Variants in CEP55 observed in about 807,000 individuals in gnomAD.
CEP55 encodes centrosomal protein 55.
Under a neutral mutation model 63.2 loss-of-function variants are expected in CEP55, and 57 were observed. That is an observed-to-expected ratio of 0.90 (90% CI 0.73 to 1.13). The LOEUF (loss-of-function observed/expected upper bound fraction) is 1.13. Ranked by LOEUF, CEP55 falls within the 50% of genes most tolerant of loss-of-function variation. The probability of loss-of-function intolerance (pLI) is 0.00; values close to 1 mark genes in which losing one functional copy is unlikely to be tolerated. For missense variants in CEP55, 456 were observed against 518.9 expected, an observed-to-expected ratio of 0.88 and a Z score of 1.18; for synonymous variants, 178 against 191.6, an observed-to-expected ratio of 0.93 and a Z score of 0.59.
intron 8 of CEP55, chr10:93,520,013 T>G: frequency 1.7e-6 from 1 of 603,150 alleles, no homozygotes; most frequent in Non-Finnish European, 2.9e-6. Flanking sequence ...CTGGAAACAT[T>G]CCCCCAACTA....
intron 1 of CEP55, among the ~76,000 whole-genome samples, chr10:93,498,653 C>T (rs1450396223): frequency 6.6e-6 from 1 of 152,200 alleles, no homozygotes; most frequent in African/African-American, 2.4e-5. Flanking sequence ...CACTACCATT[C>T]TAAGGAGGTC....
chr10:93,498,150 AAAAG>A (rs1168903180), intron 1 of CEP55, among the ~76,000 whole-genome samples: 1 of 151,844 alleles, frequency 6.6e-6, no homozygotes, highest in Non-Finnish European at 1.5e-5. Context: ...GCCAAAAAAA[AAAAG>A]AAAGAAACAG....
chr10:93,521,454 G>A (rs994380448), intron 8 of CEP55, among the ~76,000 whole-genome samples: 3 of 152,144 alleles, frequency 2.0e-5, no homozygotes, highest in African/African-American at 2.4e-5. Flanking sequence ...CGGGAAGCTC[G>A]AACTGGGTGG....
At position 93,519,635 on chromosome 10, in the gene CEP55, A is replaced by G. The variant is rs376443662; in HGVS notation, c.1066-47A>G. On this transcript the variant is annotated intron_variant, in intron 7 of 8. Coordinates refer to ENST00000371485, the MANE Select transcript of CEP55 (RefSeq NM_018131.5). ...ATGTGAGCATCCAGTCAAGAGAACT[A>G]GACAGTCTGTATCAGCTGTAATGGT... The G allele has an allele frequency of 2.1e-5, 33 of 1,594,670 alleles. No homozygotes were observed. In the African/African-American group the frequency reaches 3.9e-4, roughly 19 times the overall value.
At chr10:93,505,646 A>G (rs2057680473) in intron 3 of CEP55, among the ~76,000 whole-genome samples, 1 of 152,312 alleles carries the variant, frequency 6.6e-6, no homozygotes, top group East Asian at 1.9e-4. Flanking sequence ...TTGGAGAAAA[A>G]TAATTTTTTT....
At position 93,507,224 on chromosome 10, in the gene CEP55, C is replaced by G. The variant is rs374070083; in HGVS notation, c.528+168C>G. Among the ~76,000 whole-genome samples, 49 of 111,680 alleles carry G rather than the reference C, an allele frequency of 4.4e-4. No homozygotes were observed. In the South Asian group the frequency reaches 0.015, roughly 34 times the overall value. The allele number at this position is 111,680 out of a possible 152,430, so 73.3% of individuals were successfully genotyped here. A position where few individuals can be genotyped will look rare whatever the true frequency, so the allele number is the denominator to read the frequency against. On this transcript the variant is annotated intron_variant, in intron 4 of 8. Coordinates refer to ENST00000371485, the MANE Select transcript of CEP55 (RefSeq NM_018131.5). ...AGAATCATTTCTTCTAAGCATAGTC[C>G]CTTTTTTTTTTTTTTTTCCTGAGGC... is the stretch of plus-strand genomic sequence containing the variant.
At chr10:93,503,511 TA>T in intron 3 of CEP55, 123 bp downstream of exon 3, 1 of 937,114 alleles carries the variant, frequency 1.1e-6, no homozygotes, top group Non-Finnish European at 1.6e-6. Context: ...TAGTATAGTA[TA>T]CTATCAGGTC....
intron 1 of CEP55, among the ~76,000 whole-genome samples, chr10:93,498,229 C>T (rs927939843): frequency 6.6e-6 from 1 of 151,518 alleles, no homozygotes; most frequent in Non-Finnish European, 1.5e-5. Flanking sequence ...GAGATCCAAA[C>T]CGTCTGGGCC....
intron 1 of CEP55, among the ~76,000 whole-genome samples, chr10:93,497,556 G>C (rs1029712345): frequency 6.6e-6 from 1 of 152,012 alleles, no homozygotes; most frequent in African/African-American, 2.4e-5. Flanking sequence ...GTGAGCCACC[G>C]CGCCCGGCCC....
At chr10:93,515,589 A>G (rs765683609) in intron 5 of CEP55, 34 bp downstream of exon 5, 10 of 1,513,306 alleles carry the variant, frequency 6.6e-6, no homozygotes, top group South Asian at 5.1e-5. Flanking sequence ...CTCTAGGGAT[A>G]GGCCTGACAT....
rs550329956 is a variant in CEP55 at position 93,528,650 on chromosome 10, T to G, written c.*497T>G. The G allele has an allele frequency of 6.5e-6, 1 of 154,184 alleles. No individual in the cohort carries two copies. The highest frequency in any genetic ancestry group is 6.4e-5 in the Admixed American group (1 of 15,568). The allele number at this position is 154,184 out of a possible 1,614,324, so 9.6% of individuals were successfully genotyped here. A position where few individuals can be genotyped will look rare whatever the true frequency, so the allele number is the denominator to read the frequency against. On this transcript the variant is annotated 3_prime_UTR_variant, in exon 9 of 9. Transcript: ENST00000371485. ...TTTTTTTTTTCATATTGTATAGCGG[T>G]TATTAGAAAAGTTGGGGATTTTCTT...
At chr10:93,522,208 C>A (rs550939892) in intron 8 of CEP55, among the ~76,000 whole-genome samples, 3 of 152,242 alleles carry the variant, frequency 2.0e-5, no homozygotes, top group South Asian at 4.1e-4. Flanking sequence ...AGATGAATGG[C>A]TAACTAGAAT....
chr10:93,522,122 G>C (rs1301022018), intron 8 of CEP55, among the ~76,000 whole-genome samples: 6 of 152,198 alleles, frequency 3.9e-5, no homozygotes, highest in African/African-American at 1.4e-4. Flanking sequence ...GAAGGCTTCA[G>C]ATGATCAAAC....
intron 6 of CEP55, 54 bp from the exon 7 acceptor site, chr10:93,518,823 G>T: frequency 7.6e-7 from 1 of 1,314,720 alleles, no homozygotes. Context: ...TGCATCCCAG[G>T]TCAAGCCGGA....
intron 4 of CEP55, among the ~76,000 whole-genome samples, chr10:93,512,568 A>G (rs556055768): frequency 6.6e-6 from 1 of 151,786 alleles, no homozygotes; most frequent in East Asian, 1.9e-4. Context: ...GACTTAAATT[A>G]TTTGTATTAA....
chr10:93,527,916 T>C (rs748946620), intron 8 of CEP55, 34 bp from the exon 9 acceptor site: 1 of 1,578,206 alleles, frequency 6.3e-7, no homozygotes, highest in South Asian at 1.1e-5. Flanking sequence ...TTGGCCCTAT[T>C]TACAAATTCT....
At chr10:93,505,962 C>G (rs1343571470) in intron 3 of CEP55, among the ~76,000 whole-genome samples, 6 of 152,068 alleles carry the variant, frequency 3.9e-5, no homozygotes, top group Non-Finnish European at 7.3e-5. Context: ...GAACTCCTGA[C>G]CTCAGGTGAT....
intron 4 of CEP55, among the ~76,000 whole-genome samples, chr10:93,508,576 T>A (rs1489507395): frequency 6.6e-6 from 1 of 152,248 alleles, no homozygotes; most frequent in African/African-American, 2.4e-5. Context: ...GATGCACATA[T>A]TTAGAAATAT....
chr10:93,515,428 G>A lies in CEP55; in HGVS notation c.552G>A (p.Trp184Ter). The A allele has an allele frequency of 6.2e-7, 1 of 1,605,012 alleles. No individual in the cohort carries two copies. Reference protein sequence around the residue: ...LKDALEKNQQWLVYDQQREVY... With the variant: ...LKDALEKNQQ ...AGGCTCTGGAGAAAAATCAGCAGTG[G>A]CTCGTGTATGATCAGCAGCGGGAAG... The change falls in exon 5 of 9, where the codon TGG becomes TGA. Residue 184 changes from tryptophan to a stop codon, truncating the protein, a stop_gained. Transcript: ENST00000371485. LOFTEE classifies it high-confidence loss of function.
Sources: gnomAD v4.1 joint callset for allele counts (sites outside exome capture counted in the v4.1 genomes callset) on GRCh38, gnomAD v4.1.1 for gene constraint, MANE v1.5 for transcripts, NCBI Gene and HGNC (gene_info 2026-07-23, HGNC 2026-07-21) for gene names.